The following ATN1 variants were observed in gnomAD, a reference collection of about 807,000 sequenced individuals.
ATN1 encodes atrophin 1, also known as atrophin-1.
A neutral mutation model predicts 85.8 loss-of-function variants in ATN1; 19 were observed. That is an observed-to-expected ratio of 0.22 (90% CI 0.15 to 0.32). The LOEUF is 0.32. Ranked by LOEUF, ATN1 falls within the 10% of genes least tolerant of loss-of-function variation. The pLI, the probability that ATN1 is intolerant of heterozygous loss-of-function variation, is 1.00. For missense variants in ATN1, 1,453 were observed against 1,564.5 expected (o/e 0.93, Z 1.20); for synonymous variants, 674 against 657.0 (o/e 1.03, Z -0.39).
chr12:6,931,754 C>T (rs1945468921), intron 1 of ATN1, among the ~76,000 whole-genome samples: 1 of 150,308 alleles, frequency 6.7e-6, no homozygotes, highest in African/African-American at 2.5e-5. Context: ...AACTAGTTGG[C>T]CGGGCACAGT....
chr12:6,936,705 C>T lies in ATN1; in HGVS notation c.1438C>T (p.His480Tyr), dbSNP rs1156903721. The T allele has an allele frequency of 6.2e-7, 1 of 1,610,940 alleles. No individual in the cohort carries two copies. Among genetic ancestry groups the T allele is most frequent in the East Asian group, 2.2e-5 (1 of 44,794 alleles). ...STAHPPVSTH[H>Y]HHHQQQQQQQ... The stretch of plus-strand genomic sequence containing the variant: ...CGCCCACCCACCAGTCTCAACACAT[C>T]ACCATCACCACCAGCAACAGCAACA... The change falls in exon 5 of 10, where the codon CAC becomes TAC. Residue 480 changes from histidine to tyrosine, a missense_variant. Around this residue, in one of 6 missense-constraint regions of ATN1, gnomAD observed 990 missense variants for 914.8 expected, o/e 1.08. Transcript: ENST00000396684.
intron 1 of ATN1, among the ~76,000 whole-genome samples, chr12:6,932,632 G>A (rs1565564197): frequency 6.6e-6 from 1 of 152,208 alleles, no homozygotes. Flanking sequence ...CAAGTAGGAG[G>A]ATAGGCTTAA....
At chr12:6,933,657 C>T (rs1405932735) in intron 1 of ATN1, among the ~76,000 whole-genome samples, 183 bp from the exon 2 acceptor site, 4 of 152,230 alleles carry the variant, frequency 2.6e-5, no homozygotes, top group Non-Finnish European at 5.9e-5. Flanking sequence ...CGAGCAGAAT[C>T]TGCCTCCCTT....
rs1591669073 is a variant in ATN1, at chr12:6,942,070, C to T, written c.*290C>T. On this transcript the variant is annotated 3_prime_UTR_variant, in exon 10 of 10. Coordinates refer to ENST00000396684, the MANE Select transcript of ATN1 (RefSeq NM_001940.4). ...GCTTTTCTCCTCCCCCATGCCCAAC[C>T]CCTGTGGCCGCCGCCCCTCCCCTGC... 1 of 510,508 alleles carries T rather than the reference C, an allele frequency of 2.0e-6. No homozygotes were observed. Among genetic ancestry groups the T allele is most frequent in the African/African-American group, 1.9e-5 (1 of 52,322 alleles). 31.6% of individuals were successfully genotyped at this position (510,508 alleles called of 1,614,324 possible).
chr12:6,927,778 C>G (rs1475284872), upstream of ATN1, among the ~76,000 whole-genome samples: 1 of 151,932 alleles, frequency 6.6e-6, no homozygotes, highest in African/African-American at 2.4e-5. Flanking sequence ...CCCCCTCTCC[C>G]AGGCTCCCTC....
chr12:6,938,064 C>A lies in ATN1; in HGVS notation c.2514C>A (p.Ser838Arg), dbSNP rs1555144155. The part of the protein sequence containing the change: ...EREKERELER[S>R]VKLAQEGRAP... ...AGAAGGAGCGCGAGCTTGAACGCAG[C>A]GTGGTGAGTGCGTCACTGCCTGCGC... The change falls in exon 6 of 10, where the codon AGC (serine) becomes AGA (arginine). Residue 838 changes from serine to arginine, a missense_variant. Around this residue, in one of 6 missense-constraint regions of ATN1, gnomAD observed 990 missense variants for 914.8 expected, o/e 1.08. Transcript: ENST00000396684. 6.5e-7 allele frequency: 1 copy of A among 1,542,994 alleles called. No homozygotes were observed. The highest frequency in any genetic ancestry group is 8.7e-7 in the Non-Finnish European group (1 of 1,145,240).
rs782617089 is a variant in ATN1 at position 6,940,959 on chromosome 12, T to G, written c.3294T>G (p.Thr1098=). Residue 1098 remains threonine, a synonymous_variant, in exon 8 of 10, where the codon ACT becomes ACG. Transcript: ENST00000396684. ...HLTRIPYPAG[T]LPNPLLPHPL... ...CCCGGATCCCCTACCCAGCTGGAAC[T>G]CTCCCTAACCCCCTGCTTCCTCACC... 2 of 1,614,130 alleles carry G rather than the reference T, an allele frequency of 1.2e-6. No homozygotes were observed. The highest frequency in any genetic ancestry group is 1.7e-6 in the Non-Finnish European group (2 of 1,180,026).
intron 1 of ATN1, among the ~76,000 whole-genome samples, chr12:6,930,129 C>T (rs1416069804): frequency 6.6e-6 from 1 of 152,204 alleles, no homozygotes; most frequent in Non-Finnish European, 1.5e-5. Context: ...AGTCACTTCT[C>T]TTTGAGCCTG....
Position 6,938,871 on chromosome 12 carries a change from C to A in ATN1, c.2908C>A (p.Pro970Thr). ...LHGVPGPGLD[P>T]FPRHGGLALQ... ...TGGGGTCCCTGGGCCGGGCTTGGAT[C>A]CCTTTCCCCGACATGGGGGCCTGGC... The change falls in exon 7 of 10, where the codon CCC becomes ACC. Residue 970 changes from proline (P) to threonine (T), a missense_variant. Around this residue, in one of 6 missense-constraint regions of ATN1, gnomAD observed 208 missense variants for 263.4 expected, o/e 0.79. Transcript: ENST00000396684. 3.1e-6 allele frequency: 5 copies of A among 1,614,126 alleles called. No homozygotes were observed. The highest frequency in any genetic ancestry group is 4.2e-6 in the Non-Finnish European group (5 of 1,180,018).
At position 6,939,965 on chromosome 12, in the gene ATN1, CT is replaced by C. The variant is rs1197245723; in HGVS notation, c.3214+791del. 3.5e-4 allele frequency among the ~76,000 whole-genome samples: 54 copies of C among 152,366 alleles called. 1 individual carries two copies. The highest frequency in any genetic ancestry group is 1.2e-3 in the African/African-American group (50 of 41,588). Reference sequence around the variant, plus strand: ...TTTGGGTGTCATAGGCGATAATGAGCTTTACTTACTATCCTTTCACCATTTT... The same window carrying C: ...TTTGGGTGTCATAGGCGATAATGAGCTTACTTACTATCCTTTCACCATTTT... On this transcript the variant is annotated intron_variant, in intron 7 of 9. Coordinates refer to ENST00000396684, the MANE Select transcript of ATN1 (RefSeq NM_001940.4).
upstream of ATN1, among the ~76,000 whole-genome samples, chr12:6,924,749 G>A (rs1486200719): frequency 6.8e-6 from 1 of 148,080 alleles, no homozygotes; most frequent in Non-Finnish European, 1.5e-5. Context: ...TTCTCCTGGC[G>A]ACCCTTTATG....
chr12:6,937,362 C>T lies in ATN1; in HGVS notation c.2095C>T (p.Pro699Ser). The change falls in exon 5 of 10, where the codon CCT becomes TCT. Residue 699 changes from proline to serine, a missense_variant. Physicochemically the swap from Pro to Ser is moderately conservative, Grantham distance 74. Transcript: ENST00000396684. This position sits in a 1 kb window ranked among gnomAD's most constrained non-coding sequence, Gnocchi z 6.0. The stretch of plus-strand genomic sequence containing the variant: ...CACCGTGGGACCTGGGCCCCTGCCA[C>T]CTGCGGGGCCCTCAGGCCTGCCATC... ...SPTVGPGPLP[P>S]AGPSGLPSLP... 4 of 1,550,882 alleles carry T rather than the reference C, an allele frequency of 2.6e-6. No individual in the cohort carries two copies. Among genetic ancestry groups the T allele is most frequent in the Non-Finnish European group, 3.5e-6 (4 of 1,148,694 alleles).
In ATN1 at chr12:6,934,624, T is replaced by G. The variant is rs1945508122; in HGVS notation, c.279+46T>G. 2 of 1,376,578 alleles carry G rather than the reference T, an allele frequency of 1.5e-6. No homozygotes were observed. The highest frequency in any genetic ancestry group is 2.0e-6 in the Non-Finnish European group (2 of 988,074). 85.3% of individuals were successfully genotyped at this position (1,376,578 alleles called of 1,614,324 possible). On this transcript the variant is annotated intron_variant, in intron 4 of 9. Transcript: ENST00000396684. This position sits in a 1 kb window ranked among gnomAD's most constrained non-coding sequence, Gnocchi z 4.5. ...TCCTGACCCATCTTGTGACCATTCT[T>G]TTCTCAGACTTGCTTATGCTCACTA... is the stretch of plus-strand genomic sequence containing the variant.
Position 6,934,140 on chromosome 12 carries a change from A to T in ATN1, c.28-36A>T, listed in dbSNP as rs1555143303. 6.2e-7 allele frequency: 1 copy of T among 1,614,056 alleles called. No homozygotes were observed. The highest frequency in any genetic ancestry group is 8.5e-7 in the Non-Finnish European group (1 of 1,179,940). ...CACCATAAAGTTAGGTGCAATGTAA[A>T]GAACAGTGTTACCTACCTCCTTCCT... On this transcript the variant is annotated intron_variant, in intron 2 of 9. Transcript: ENST00000396684. This position sits in a 1 kb window ranked among gnomAD's most constrained non-coding sequence, Gnocchi z 4.5.
rs1945530847 is a variant in ATN1 at position 6,936,230 on chromosome 12, G to T, written c.963G>T (p.Gly321=). 3.1e-6 allele frequency: 5 copies of T among 1,604,228 alleles called. No individual in the cohort carries two copies. Among genetic ancestry groups the T allele is most frequent in the African/African-American group, 1.3e-5 (1 of 74,720 alleles). The change falls in exon 5 of 10, where the codon GGG becomes GGT. Residue 321 remains glycine, a synonymous_variant. Coordinates refer to ENST00000396684, the MANE Select transcript of ATN1 (RefSeq NM_001940.4). ...NNASASPPGL[G]AQPLPGHLPS... ...CATCAGCCTCTCCCCCTGGCCTGGG[G>T]GCCCAACCACTACCTGGTCATCTGC... is the stretch of plus-strand genomic sequence containing the variant.
Position 6,936,292 on chromosome 12 carries a change from T to C in ATN1, c.1025T>C (p.Leu342Pro), listed in dbSNP as rs782170559. Residue 342 changes from leucine (L) to proline (P), a missense_variant, in exon 5 of 10, where the codon CTT becomes CCT. Physicochemically the swap from Leu to Pro is moderately conservative, Grantham distance 98 (BLOSUM62 -3). This residue lies in a region of ATN1 where 990 missense variants were observed against 914.8 expected (regional missense o/e 1.08). Coordinates refer to ENST00000396684, the MANE Select transcript of ATN1 (RefSeq NM_001940.4). Reference sequence around the variant, plus strand: ...GCCATGGGACAGGGTATGGGTGGACTTCCTCCTGGCCCAGAGAAGGGCCCA... The same window carrying C: ...GCCATGGGACAGGGTATGGGTGGACCTCCTCCTGGCCCAGAGAAGGGCCCA... ...PHAMGQGMGG[L>P]PPGPEKGPTL... is the part of the protein sequence containing the mutation. 1 of 1,613,814 alleles carries C rather than the reference T, an allele frequency of 6.2e-7. No individual in the cohort carries two copies. The highest frequency in any genetic ancestry group is 8.5e-7 in the Non-Finnish European group (1 of 1,179,842).
rs1555143402 is a variant in ATN1, at chr12:6,935,044, T to G, written c.279+466T>G. On this transcript the variant is annotated intron_variant, in intron 4 of 9. Transcript: ENST00000396684. This position sits in a 1 kb window ranked among gnomAD's most constrained non-coding sequence, Gnocchi z 5.3. ...CTGGGATTATAGGCATGAGCCACCA[T>G]GCCCGGCTAATTTTTGTATTTTTGG... Among the ~76,000 whole-genome samples, 1 of 152,142 alleles carries G rather than the reference T, an allele frequency of 6.6e-6. No individual in the cohort carries two copies. The highest frequency in any genetic ancestry group is 6.5e-5 in the Admixed American group (1 of 15,270).
At position 6,936,695 on chromosome 12, in the gene ATN1, C is replaced by T. The variant is rs377411487; in HGVS notation, c.1428C>T (p.Val476=). 33 of 1,612,636 alleles carry T rather than the reference C, an allele frequency of 2.0e-5. 1 individual carries two copies. In the African/African-American group the frequency reaches 3.2e-4, roughly 16 times the overall value. ...TGAQSTAHPP[V]STHHHHHQQQ... ...CCCAGTCCACCGCCCACCCACCAGT[C>T]TCAACACATCACCATCACCACCAGC... Residue 476 remains valine (V), a synonymous_variant, in exon 5 of 10, where the codon GTC becomes GTT. Coordinates refer to ENST00000396684, the MANE Select transcript of ATN1 (RefSeq NM_001940.4).
rs782304278 is a variant in ATN1 at position 6,936,277 on chromosome 12, A to G, written c.1010A>G (p.Gln337Arg). The G allele has an allele frequency of 8.1e-6, 13 of 1,612,902 alleles. No homozygotes were observed. Among genetic ancestry groups the G allele is most frequent in the Non-Finnish European group, 1.1e-5 (13 of 1,179,282 alleles). ...CTGCCCTCTCCCCACGCCATGGGAC[A>G]GGGTATGGGTGGACTTCCTCCTGGC... ...GHLPSPHAMG[Q>R]GMGGLPPGPE... Residue 337 changes from glutamine (Q) to arginine (R), a missense_variant, in exon 5 of 10, where the codon CAG (glutamine) becomes CGG (arginine). Transcript: ENST00000396684.
Sources: allele counts gnomAD v4.1 joint callset (sites outside exome capture counted in the v4.1 genomes callset), GRCh38; gene constraint gnomAD v4.1.1; regional missense constraint gnomAD v4.1.1; non-coding constraint Gnocchi (gnomAD v3.1); transcripts MANE v1.5; gene names NCBI Gene and HGNC (gene_info 2026-07-23, HGNC 2026-07-21).